Variants in SOX5 observed in about 807,000 individuals in gnomAD.
SOX5 encodes the protein transcription factor SOX-5.
A neutral mutation model predicts 92.0 loss-of-function variants in SOX5; 9 were observed. That is an observed-to-expected ratio of 0.10 (90% CI 0.06 to 0.17). The LOEUF (loss-of-function observed/expected upper bound fraction) is 0.17. Among genes scored for constraint, SOX5 ranks in the 10% least tolerant of loss-of-function variants. The probability of loss-of-function intolerance (pLI) is 1.00; values close to 1 mark genes in which losing one functional copy is unlikely to be tolerated. For synonymous variants in SOX5, 344 were observed against 336.3 expected, an observed-to-expected ratio of 1.02 and a Z score of -0.25; for missense variants, 642 against 944.5, an observed-to-expected ratio of 0.68 and a Z score of 4.20.
At chr12:24,021,909 C>T (rs1431331956) in intron 4 of SOX5, among the ~76,000 whole-genome samples, 3 of 152,162 alleles carry the variant, frequency 2.0e-5, no homozygotes, top group Non-Finnish European at 2.9e-5. Flanking sequence ...CTGAACTCCC[C>T]TAGTGCTTTG....
intron 7 of SOX5, among the ~76,000 whole-genome samples, chr12:23,645,956 A>C (rs2080791654): frequency 6.6e-6 from 1 of 152,228 alleles, no homozygotes; most frequent in South Asian, 2.1e-4. Flanking sequence ...TGTTTAGACA[A>C]AACTATAGTC....
chr12:24,399,816 T>C lies in SOX5; in HGVS notation c.-250-31177A>G, dbSNP rs373176860. ...TGTGCTCCCAGCAACATACAAATTG[T>C]AATCTAATAACATATTATCTCTAAA... On this transcript the variant is annotated intron_variant, in intron 1 of 4. Transcript: ENST00000446891. 1.4e-4 allele frequency among the ~76,000 whole-genome samples: 22 copies of C among 152,354 alleles called. No homozygotes were observed. The South Asian group carries it at 4.6e-3, about 32-fold the overall frequency.
intron 6 of SOX5, among the ~76,000 whole-genome samples, chr12:23,703,446 T>C (rs1025684871): frequency 1.3e-5 from 2 of 151,978 alleles, no homozygotes; most frequent in Non-Finnish European, 2.9e-5. Flanking sequence ...ACACTCTGGG[T>C]AAGAAATAAT....
At chr12:23,679,176 G>T (rs551686558) in intron 6 of SOX5, among the ~76,000 whole-genome samples, 1 of 152,100 alleles carries the variant, frequency 6.6e-6, no homozygotes, top group Admixed American at 6.6e-5. Context: ...CTAGTAAATC[G>T]AAAGTAGTTT....
intron 1 of SOX5, among the ~76,000 whole-genome samples, chr12:24,402,320 A>C (rs1051394322): frequency 1.3e-5 from 2 of 152,218 alleles, no homozygotes; most frequent in African/African-American, 4.8e-5. Flanking sequence ...GAAATATGAA[A>C]ACACACACAT....
intron 4 of SOX5, among the ~76,000 whole-genome samples, chr12:24,025,398 A>G (rs1331525670): frequency 6.6e-6 from 1 of 152,106 alleles, no homozygotes; most frequent in African/African-American, 2.4e-5. Context: ...AATCCAGTCT[A>G]GAGAGAAAGA....
At chr12:23,583,062 T>C (rs114671224) in intron 9 of SOX5, among the ~76,000 whole-genome samples, 3,357 of 152,228 alleles carry the variant, frequency 0.022, 110 homozygotes, top group African/African-American at 0.076. Flanking sequence ...AAGAATAGTT[T>C]GGCTTCTGAA....
At chr12:24,211,159 T>C (rs1164812466) in intron 4 of SOX5, among the ~76,000 whole-genome samples, 1 of 152,208 alleles carries the variant, frequency 6.6e-6, no homozygotes, top group East Asian at 1.9e-4. Flanking sequence ...CTGTTGAATG[T>C]ACCTCTCTTC....
rs145688935 is a variant in SOX5, at chr12:23,885,270, G to A, written c.270+10523C>T. ...CTTATTTTTCTTATACTAACAATAG[G>A]TTTTGAATTTTTACGTGGCACCTAG... On this transcript the variant is annotated intron_variant, in intron 2 of 14. Coordinates refer to ENST00000451604, the MANE Select transcript of SOX5 (RefSeq NM_006940.6). Among the ~76,000 whole-genome samples, 1,365 of 152,180 alleles carry A rather than the reference G, an allele frequency of 9.0e-3. 10 individuals carry two copies. The highest frequency in any genetic ancestry group is 0.027 in the Middle Eastern group (8 of 294).
At position 24,384,862 on chromosome 12, in the gene SOX5, A is replaced by G. The variant is rs118072092; in HGVS notation, c.-250-16223T>C. 1.1e-3 allele frequency among the ~76,000 whole-genome samples: 175 copies of G among 152,284 alleles called. 2 individuals are homozygous for G. The East Asian group carries it at 0.027, about 24-fold the overall frequency. ...TCAAACCATTTACTGGAAACAAGGG[A>G]TGGTTACACAGATTCTGCAATACAG... On this transcript the variant is annotated intron_variant, in intron 1 of 4. Coordinates refer to the SOX5 transcript ENST00000446891.
At chr12:24,230,737 A>G (rs1054307445) in intron 3 of SOX5, 1 of 152,206 alleles carries the variant, frequency 6.6e-6, no homozygotes, top group African/African-American at 2.4e-5. Context: ...GGAGTAACAT[A>G]CCCTCTTAGA....
intron 1 of SOX5, among the ~76,000 whole-genome samples, chr12:24,543,368 C>T (rs555585653): frequency 5.3e-5 from 8 of 152,308 alleles, no homozygotes; most frequent in African/African-American, 1.2e-4. Flanking sequence ...TCAAATACAA[C>T]GCTGTTTATT....
At chr12:24,077,356 C>T (rs751072660) in intron 4 of SOX5, among the ~76,000 whole-genome samples, 33 of 152,080 alleles carry the variant, frequency 2.2e-4, no homozygotes, top group African/African-American at 2.4e-4. Context: ...TGGAGACTGG[C>T]GCACAATTCT....
At chr12:24,032,110 G>A (rs1003718045) in intron 4 of SOX5, among the ~76,000 whole-genome samples, 26 of 151,852 alleles carry the variant, frequency 1.7e-4, no homozygotes, top group African/African-American at 6.3e-4. Context: ...ATAGTAAGTA[G>A]ACTGGATTTG....
rs1479762690 is a variant in SOX5, at chr12:24,093,703, T to C, written c.-2+119640A>G. ...TATTTTGGTTGTCCTTTTTTTTTTT[T>C]TTTTAATTGAATAAGACTGCAATGG... On this transcript the variant is annotated intron_variant, in intron 4 of 4. Coordinates refer to the SOX5 transcript ENST00000446891. Among the ~76,000 whole-genome samples the C allele has an allele frequency of 9.9e-5, 15 of 151,644 alleles. No homozygotes were observed. The East Asian group carries it at 2.7e-3, about 27-fold the overall frequency.
intron 2 of SOX5, among the ~76,000 whole-genome samples, chr12:23,852,961 A>T (rs1261494348): frequency 6.6e-6 from 1 of 151,990 alleles, no homozygotes; most frequent in African/African-American, 2.4e-5. Flanking sequence ...AGAGAAGGAA[A>T]GGGGGGAATG....
chr12:23,566,111 T>C (rs1947036090), intron 10 of SOX5, among the ~76,000 whole-genome samples: 1 of 152,220 alleles, frequency 6.6e-6, no homozygotes, highest in South Asian at 2.1e-4. Flanking sequence ...TCTATACGTC[T>C]TCATTGATAA....
intron 3 of SOX5, among the ~76,000 whole-genome samples, chr12:24,233,577 T>C (rs1185774643): frequency 6.6e-6 from 1 of 152,238 alleles, no homozygotes; most frequent in East Asian, 1.9e-4. Flanking sequence ...AAGCGAACTT[T>C]AAGTTAGCTT....
intron 9 of SOX5, among the ~76,000 whole-genome samples, chr12:23,584,379 TG>T (rs1357614752): frequency 1.3e-5 from 2 of 152,160 alleles, no homozygotes; most frequent in Admixed American, 1.3e-4. Context: ...GAGAGATTTA[TG>T]TTTTCTCAGA....
Sources: gnomAD v4.1 joint callset for allele counts (sites outside exome capture counted in the v4.1 genomes callset) on GRCh38, gnomAD v4.1.1 for gene constraint, MANE v1.5 for transcripts, NCBI Gene and HGNC (gene_info 2026-07-23, HGNC 2026-07-21) for gene names.